ZMYND8: variants seen among roughly 807,000 people sequenced by gnomAD.
ZMYND8 encodes the protein MYND-type zinc finger-containing chromatin reader ZMYND8.
Under a neutral mutation model 140.8 loss-of-function variants are expected in ZMYND8, and 37 were observed. The ratio of observed to expected loss-of-function variants is 0.26; its 90% CI spans 0.20 to 0.35. The LOEUF (loss-of-function observed/expected upper bound fraction) is 0.35, where lower values mean the gene tolerates loss of function less well. Ranked by LOEUF, ZMYND8 falls within the 10% of genes least tolerant of loss-of-function variation. The pLI is 1.00. For synonymous variants in ZMYND8, 592 were observed against 597.1 expected (o/e 0.99, Z 0.12); for missense variants, 1,068 against 1,570.0 (o/e 0.68, Z 5.40).
At position 47,270,724 on chromosome 20, in the gene ZMYND8, G is replaced by T. The variant is rs148670309; in HGVS notation, c.1480+5590C>A. On this transcript the variant is annotated intron_variant, in intron 11 of 22. Transcript: ENST00000471951. ...AAAAAAAAAAAAAAAAAAAAAGAAA[G>T]AAAGAAAAAGAAAAAGCTGGAGTAG... Among the ~76,000 whole-genome samples, 485 of 138,436 alleles carry T rather than the reference G, an allele frequency of 3.5e-3. 3 individuals are homozygous for T. In the South Asian group the frequency reaches 0.047, roughly 13 times the overall value. The allele number at this position is 138,436 out of a possible 152,430, so 90.8% of individuals were successfully genotyped here.
intron 15 of ZMYND8, 112 bp from the exon 16 acceptor site, chr20:47,236,628 TAAATG>T: frequency 8.6e-7 from 1 of 1,161,824 alleles, no homozygotes; most frequent in East Asian, 2.8e-5. Flanking sequence ...TTTCTACTTT[TAAATG>T]ACAAAGATGC....
rs2077804647 is a variant in ZMYND8, at chr20:47,298,659, A to T, written c.453+70T>A. The stretch of plus-strand genomic sequence containing the variant: ...ATCTATCTGGATTATTTGTAAATTT[A>T]AAAATAAAAGGAAGAAAGAGAAAGG... On this transcript the variant is annotated intron_variant, in intron 4 of 22. Coordinates refer to ENST00000471951, the MANE Select transcript of ZMYND8 (RefSeq NM_001281775.3). This position sits in a 1 kb window ranked among gnomAD's most constrained non-coding sequence, Gnocchi z 5.0. 6.5e-7 allele frequency: 1 copy of T among 1,542,518 alleles called. No individual in the cohort carries two copies. Among genetic ancestry groups the T allele is most frequent in the Non-Finnish European group, 8.8e-7 (1 of 1,141,372 alleles).
At position 47,287,249 on chromosome 20, in the gene ZMYND8, T is replaced by C; in HGVS notation, c.784A>G (p.Ile262Val). The stretch of plus-strand genomic sequence containing the variant: ...CATACCTCATGTTCACAGATTTTGA[T>C]GACTACTTTCGCTATTTGCGTCAAT... ...HKLTQIAKVV[I>V]KICEHEMNEI... Residue 262 changes from isoleucine (I) to valine (V), a missense_variant, in exon 8 of 23, where the codon ATC becomes GTC. Around this residue, in one of 10 missense-constraint regions of ZMYND8, gnomAD observed 109 missense variants for 314.9 expected, o/e 0.35. Transcript: ENST00000471951. The C allele has an allele frequency of 6.2e-7, 1 of 1,614,038 alleles. No individual in the cohort carries two copies. The highest frequency in any genetic ancestry group is 8.5e-7 in the Non-Finnish European group (1 of 1,179,882).
chr20:47,212,805 TTCA>T (rs2035482167), intron 21 of ZMYND8, 80 bp from the exon 22 acceptor site: 3 of 1,311,312 alleles, frequency 2.3e-6, no homozygotes, highest in South Asian at 1.4e-5. Context: ...ACTATTTTTG[TTCA>T]TCAACAGGCT....
intron 2 of ZMYND8, among the ~76,000 whole-genome samples, chr20:47,346,210 C>T (rs975072050): frequency 5.3e-5 from 8 of 152,102 alleles, no homozygotes; most frequent in East Asian, 1.9e-4. Context: ...CACTTTGCCC[C>T]GTCTCCTGCT....
At chr20:47,319,043 G>A (rs147975811) in intron 2 of ZMYND8, 39 of 1,350,006 alleles carry the variant, frequency 2.9e-5, no homozygotes, top group Admixed American at 5.7e-5. Flanking sequence ...TCCTGCTTCC[G>A]GATCCTCAGC....
intron 2 of ZMYND8, among the ~76,000 whole-genome samples, chr20:47,332,861 C>A (rs2081067177): frequency 6.6e-6 from 1 of 152,166 alleles, no homozygotes; most frequent in South Asian, 2.1e-4. Flanking sequence ...CATGAACACT[C>A]ACCGCAGCAT....
rs529632335 is a variant in ZMYND8, at chr20:47,219,089, G to A, written c.3484+1169C>T. Among the ~76,000 whole-genome samples the A allele has an allele frequency of 2.1e-3, 243 of 117,110 alleles. 3 individuals are homozygous for A. The highest frequency in any genetic ancestry group is 4.8e-3 in the Middle Eastern group (1 of 208). The allele number at this position is 117,110 out of a possible 152,430, so 76.8% of individuals were successfully genotyped here. A position where few individuals can be genotyped will look rare whatever the true frequency, so the allele number is the denominator to read the frequency against. Reference sequence around the variant, plus strand: ...TTTTTTTTTTTTGAGAGAGAGTCTCGCTCTGTCTTCCAGGCTGGAGCGCAG... The same window carrying A: ...TTTTTTTTTTTTGAGAGAGAGTCTCACTCTGTCTTCCAGGCTGGAGCGCAG... On this transcript the variant is annotated intron_variant, in intron 21 of 22. Coordinates refer to ENST00000471951, the MANE Select transcript of ZMYND8 (RefSeq NM_001281775.3).
intron 11 of ZMYND8, among the ~76,000 whole-genome samples, chr20:47,266,923 T>C (rs551484254): frequency 6.6e-6 from 1 of 152,060 alleles, no homozygotes; most frequent in East Asian, 1.9e-4. Context: ...TATCCAAAAT[T>C]GAAAATAGGT....
intron 21 of ZMYND8, 22 bp from the exon 22 acceptor site, chr20:47,212,747 C>A (rs2035469858): frequency 1.3e-6 from 2 of 1,588,268 alleles, no homozygotes; most frequent in East Asian, 4.5e-5. Context: ...GCACAGGTAG[C>A]CTCAGAGTCT....
Position 47,255,722 on chromosome 20 carries a change from GTATATATATATATA to G in ZMYND8, c.1622-6297_1622-6284del, listed in dbSNP as rs369654557. On this transcript the variant is annotated intron_variant, in intron 12 of 22. Coordinates refer to ENST00000471951, the MANE Select transcript of ZMYND8 (RefSeq NM_001281775.3). Reference sequence around the variant, plus strand: ...ATATATATATATACCGTGTATGTGTGTATATATATATATATATATATATATATATATATATATAT... The same window carrying G: ...ATATATATATATACCGTGTATGTGTGTATATATATATATATATATATATAT... Among the ~76,000 whole-genome samples the G allele has an allele frequency of 1.5e-3, 118 of 77,774 alleles. 1 individual carries two copies. The highest frequency in any genetic ancestry group is 5.1e-3 in the African/African-American group (88 of 17,218). The allele number at this position is 77,774 out of a possible 152,430, so 51.0% of individuals were successfully genotyped here.
At chr20:47,282,256 T>G in intron 9 of ZMYND8, 39 bp from the exon 10 acceptor site, 1 of 1,576,044 alleles carries the variant, frequency 6.3e-7, no homozygotes, top group Admixed American at 1.7e-5. Flanking sequence ...TTGTACATAT[T>G]TGACAGCAAG....
chr20:47,328,884 G>C (rs185358884), intron 2 of ZMYND8, among the ~76,000 whole-genome samples: 61 of 152,298 alleles, frequency 4.0e-4, no homozygotes, highest in Admixed American at 1.9e-3. Flanking sequence ...GTCTAGAAGA[G>C]ACACACAGGT....
chr20:47,318,710 C>T (rs753410528), intron 2 of ZMYND8: 78 of 457,830 alleles, frequency 1.7e-4, no homozygotes, highest in Non-Finnish European at 3.1e-4. Context: ...CCTGCCAGAG[C>T]TGCCGGGCTG....
At chr20:47,253,151 T>C (rs547925217) in intron 12 of ZMYND8, among the ~76,000 whole-genome samples, 1 of 152,330 alleles carries the variant, frequency 6.6e-6, no homozygotes, top group South Asian at 2.1e-4. Context: ...AAATTGCCTG[T>C]AAAGTTTTAG....
At chr20:47,331,389 G>A (rs1282569857) in intron 2 of ZMYND8, among the ~76,000 whole-genome samples, 25 of 152,304 alleles carry the variant, frequency 1.6e-4, no homozygotes, top group Non-Finnish European at 2.2e-4. Flanking sequence ...ACAGAAGAAT[G>A]GGGAATGAGT....
chr20:47,290,156 CTCTT>C (rs757851177), intron 7 of ZMYND8, 27 bp downstream of exon 7: 38 of 1,599,040 alleles, frequency 2.4e-5, no homozygotes, highest in Admixed American at 3.4e-5. Context: ...ACACAGCATA[CTCTT>C]TCTTAGGAGT....
At chr20:47,247,373 G>A (rs973534036) in intron 13 of ZMYND8, among the ~76,000 whole-genome samples, 4 of 152,180 alleles carry the variant, frequency 2.6e-5, no homozygotes, top group African/African-American at 7.2e-5. Context: ...CCCTGCACTC[G>A]TGGAAAGTCA....
chr20:47,227,565 G>T (rs190563122), intron 17 of ZMYND8, among the ~76,000 whole-genome samples: 1 of 152,184 alleles, frequency 6.6e-6, no homozygotes, highest in Non-Finnish European at 1.5e-5. Context: ...TATATTAAGG[G>T]TTATTTAGGA....
Sources: allele counts gnomAD v4.1 joint callset (sites outside exome capture counted in the v4.1 genomes callset), GRCh38; gene constraint gnomAD v4.1.1; regional missense constraint gnomAD v4.1.1; non-coding constraint Gnocchi (gnomAD v3.1); transcripts MANE v1.5; gene names NCBI Gene and HGNC (gene_info 2026-07-23, HGNC 2026-07-21).